Variants in TMPRSS12 observed in about 807,000 individuals in gnomAD.
The protein encoded by TMPRSS12 is transmembrane serine protease 12.
A neutral mutation model predicts 26.0 loss-of-function variants in TMPRSS12; 25 were observed. The observed-to-expected ratio is 0.96, with a 90% CI of 0.70 to 1.34. The LOEUF is 1.34. TMPRSS12 is among the 40% of genes most tolerant of loss of function. TMPRSS12 has a pLI of 0.00. For synonymous variants in TMPRSS12, 150 were observed against 161.7 expected, an observed-to-expected ratio of 0.93 and a Z score of 0.55; for missense variants, 441 against 440.1, an observed-to-expected ratio of 1.00 and a Z score of -0.02.
In TMPRSS12 at chr12:50,842,997, G is replaced by C; in HGVS notation, c.33G>C (p.Leu11Phe). Residue 11 changes from leucine to phenylalanine, a missense_variant, in exon 1 of 5, where the codon TTG (leucine) becomes TTC (phenylalanine). Transcript: ENST00000398458. ...TGGGGCTCCTGAGCGTGGCGCTGTT[G>C]TTTGTGGGGAGCTCTCACTTATACT... MRLGLLSVALLFVGSSHLYSD... is the reference protein window; with the variant it reads MRLGLLSVALFFVGSSHLYSD... 1 of 1,602,606 alleles carries C rather than the reference G, an allele frequency of 6.2e-7. No individual in the cohort carries two copies. The highest frequency in any genetic ancestry group is 8.5e-7 in the Non-Finnish European group (1 of 1,174,624).
intron 2 of TMPRSS12, among the ~76,000 whole-genome samples, chr12:50,857,801 TTG>T (rs1937893890): frequency 1.3e-5 from 2 of 148,590 alleles, no homozygotes; most frequent in Non-Finnish European, 3.0e-5. Flanking sequence ...GTTGTTGTTG[TTG>T]TTGTCGTTGT....
rs1937738449 is a variant in TMPRSS12, at chr12:50,843,893, G to A, written c.239G>A (p.Gly80Glu). 7 of 1,571,596 alleles carry A rather than the reference G, an allele frequency of 4.5e-6. No homozygotes were observed. The East Asian group carries it at 1.2e-4, about 26-fold the overall frequency. Residue 80 changes from glycine to glutamate, a missense_variant, in exon 2 of 5, where the codon GGG (glycine) becomes GAG (glutamate). Physicochemically the swap from Gly to Glu is moderately conservative, Grantham distance 98 (BLOSUM62 -2). Coordinates refer to ENST00000398458, the MANE Select transcript of TMPRSS12 (RefSeq NM_182559.3). ...GTGTTGCAAGGGTCTCGGATTATAG[G>A]GGGCACCGAAGCACAAGCTGGCGCA... ...KDVLQGSRII[G>E]GTEAQAGAWP...
rs183803139 is a variant in TMPRSS12, at chr12:50,855,252, C to G, written c.384-3533C>G. ...CTAATAAAACTAAAGAGCTTCTGCA[C>G]AGTAAAAGAAACTATCAACAGAGTA... On this transcript the variant is annotated intron_variant, in intron 2 of 4. Coordinates refer to ENST00000398458, the MANE Select transcript of TMPRSS12 (RefSeq NM_182559.3). Among the ~76,000 whole-genome samples the G allele has an allele frequency of 1.6e-3, 243 of 152,244 alleles. 1 individual carries two copies. The highest frequency in any genetic ancestry group is 5.6e-3 in the African/African-American group (232 of 41,544).
intron 3 of TMPRSS12, among the ~76,000 whole-genome samples, chr12:50,862,954 G>A (rs1034079146): frequency 6.6e-6 from 1 of 151,980 alleles, no homozygotes; most frequent in Non-Finnish European, 1.5e-5. Flanking sequence ...GCACTTTGAG[G>A]GGCTGAGGTG....
chr12:50,844,207 T>A (rs964766644), intron 2 of TMPRSS12, among the ~76,000 whole-genome samples, 170 bp downstream of exon 2: 1 of 152,056 alleles, frequency 6.6e-6, no homozygotes, highest in African/African-American at 2.4e-5. Flanking sequence ...ATTATTATTA[T>A]TATTATACTT....
chr12:50,868,494 T>TA (rs925227953), intron 3 of TMPRSS12, among the ~76,000 whole-genome samples: 20 of 152,282 alleles, frequency 1.3e-4, no homozygotes, highest in African/African-American at 4.6e-4. Context: ...CCCACATTTA[T>TA]AAAACAATTA....
chr12:50,874,569 C>A (rs1293521095), intron 3 of TMPRSS12, among the ~76,000 whole-genome samples: 1 of 152,090 alleles, frequency 6.6e-6, no homozygotes, highest in African/African-American at 2.4e-5. Flanking sequence ...CTAGCCATAG[C>A]AATTAGGCAA....
rs767329535 is a variant in TMPRSS12 at position 50,887,285 on chromosome 12, G to A, written c.819G>A (p.Met273Ile). ...TCRGDSGGPL[M>I]CYLPEYKRFF... is the part of the protein sequence containing the mutation. ...AGGGTGACAGTGGGGGACCATTAAT[G>A]TGCTACTTACCAGAATATAAAAGAT... The change falls in exon 5 of 5, where the codon ATG becomes ATA. Residue 273 changes from methionine (M) to isoleucine (I), a missense_variant. Transcript: ENST00000398458. 9.9e-6 allele frequency: 16 copies of A among 1,613,782 alleles called. No homozygotes were observed. In the East Asian group the frequency reaches 1.3e-4, roughly 13 times the overall value.
intron 3 of TMPRSS12, among the ~76,000 whole-genome samples, chr12:50,862,492 A>G (rs952618155): frequency 2.0e-5 from 3 of 152,098 alleles, no homozygotes; most frequent in Non-Finnish European, 4.4e-5. Context: ...CCATGGCTAT[A>G]CTTTAAAAAT....
At chr12:50,887,147 A>G (rs763960586) in intron 4 of TMPRSS12, 115 bp from the exon 5 acceptor site, 10 of 1,104,758 alleles carry the variant, frequency 9.1e-6, no homozygotes, top group Non-Finnish European at 1.2e-5. Flanking sequence ...TTGGGGGTAT[A>G]TTGAAAATGT....
At chr12:50,885,062 A>G (rs999833262) in intron 3 of TMPRSS12, among the ~76,000 whole-genome samples, 184 bp from the exon 4 acceptor site, 9 of 152,070 alleles carry the variant, frequency 5.9e-5, no homozygotes, top group Non-Finnish European at 1.3e-4. Context: ...ACAAACAAAC[A>G]TTTAGGTAAA....
chr12:50,843,747 A>T, intron 1 of TMPRSS12, 95 bp from the exon 2 acceptor site: 1 of 1,290,128 alleles, frequency 7.8e-7, no homozygotes. Flanking sequence ...TGTTTTTAAC[A>T]TAGGAATTTA....
At chr12:50,873,392 TGAGA>T (rs1222192605) in intron 3 of TMPRSS12, among the ~76,000 whole-genome samples, 1 of 152,186 alleles carries the variant, frequency 6.6e-6, no homozygotes, top group East Asian at 1.9e-4. Flanking sequence ...TTCAAAATGC[TGAGA>T]GAAAGTAACT....
chr12:50,848,570 T>C (rs534977361), intron 2 of TMPRSS12, among the ~76,000 whole-genome samples: 2 of 152,352 alleles, frequency 1.3e-5, no homozygotes, highest in East Asian at 3.9e-4. Context: ...AACTTACATA[T>C]GATGTGTTAT....
At chr12:50,846,768 CA>C (rs2139718753) in intron 2 of TMPRSS12, among the ~76,000 whole-genome samples, 1 of 151,766 alleles carries the variant, frequency 6.6e-6, no homozygotes, top group African/African-American at 2.4e-5. Context: ...TTTGTAGAGA[CA>C]GAGTTTCACT....
intron 2 of TMPRSS12, among the ~76,000 whole-genome samples, chr12:50,844,472 C>G (rs1937749391): frequency 6.6e-6 from 1 of 151,948 alleles, no homozygotes; most frequent in Non-Finnish European, 1.5e-5. Context: ...CTCCTGGGTT[C>G]ATGCGATTCT....
At position 50,858,121 on chromosome 12, in the gene TMPRSS12, C is replaced by A. The variant is rs896050214; in HGVS notation, c.384-664C>A. 2.6e-5 allele frequency among the ~76,000 whole-genome samples: 4 copies of A among 152,160 alleles called. No homozygotes were observed. The East Asian group carries it at 7.7e-4, about 29-fold the overall frequency. On this transcript the variant is annotated intron_variant, in intron 2 of 4. Coordinates refer to ENST00000398458, the MANE Select transcript of TMPRSS12 (RefSeq NM_182559.3). The stretch of plus-strand genomic sequence containing the variant: ...CCTCCCAAAGTGCTGGGATTACAGG[C>A]GTGAGCCACTGCACCCAGCCCTGGT...
chr12:50,872,015 C>T (rs549525564), intron 3 of TMPRSS12, among the ~76,000 whole-genome samples: 1 of 152,142 alleles, frequency 6.6e-6, no homozygotes, highest in Admixed American at 6.5e-5. Flanking sequence ...AGTACAGCCA[C>T]TATGGAAAAC....
intron 3 of TMPRSS12, among the ~76,000 whole-genome samples, chr12:50,871,299 T>C (rs909006113): frequency 1.3e-5 from 2 of 152,092 alleles, no homozygotes; most frequent in Non-Finnish European, 2.9e-5. Flanking sequence ...CCCAAATACT[T>C]GCAGCCAACT....
Sources: gnomAD v4.1 joint callset for allele counts (sites outside exome capture counted in the v4.1 genomes callset) on GRCh38, gnomAD v4.1.1 for gene constraint, MANE v1.5 for transcripts, NCBI Gene and HGNC (gene_info 2026-07-23, HGNC 2026-07-21) for gene names.